IL1RAPL2: variants seen among roughly 807,000 people sequenced by gnomAD.
IL1RAPL2 encodes interleukin 1 receptor accessory protein like 2.
A neutral mutation model predicts 44.1 loss-of-function variants in IL1RAPL2; 3 were observed. The observed-to-expected ratio is 0.07, with a 90% confidence interval of 0.03 to 0.18. IL1RAPL2 has a LOEUF of 0.18. Ranked by LOEUF, IL1RAPL2 falls within the 10% of genes least tolerant of loss-of-function variation. The pLI is 1.00. For missense variants in IL1RAPL2, 391 were observed against 496.4 expected, an observed-to-expected ratio of 0.79 and a Z score of 2.02; for synonymous variants, 181 against 178.8, an observed-to-expected ratio of 1.01 and a Z score of -0.10.
rs1277461742 is a variant in IL1RAPL2 at position 105,456,860 on chromosome X, G to T, written c.698-27453G>T. ...AAGATTTCAATTATTTTTAATTTTAGACATTTGTACTATGGTGAAAGATAT... is the reference window on the plus strand; with the variant it reads ...AAGATTTCAATTATTTTTAATTTTATACATTTGTACTATGGTGAAAGATAT... On this transcript the variant is annotated intron_variant, in intron 5 of 10. Transcript: ENST00000372582. Among the ~76,000 whole-genome samples, 3 of 110,221 alleles carry T rather than the reference G, an allele frequency of 2.7e-5. No individual in the cohort carries two copies. In the Admixed American group the frequency reaches 2.9e-4, roughly 11 times the overall value.
intron 2 of IL1RAPL2, among the ~76,000 whole-genome samples, chrX:105,048,325 C>A (rs2031869684): frequency 8.9e-6 from 1 of 111,972 alleles, no homozygotes; most frequent in Non-Finnish European, 1.9e-5. Flanking sequence ...TATTTTCATG[C>A]TTAATGAACT....
chrX:105,211,849 C>T (rs192494997), intron 3 of IL1RAPL2, among the ~76,000 whole-genome samples: 6 of 111,556 alleles, frequency 5.4e-5, no homozygotes, highest in South Asian at 7.7e-4. Flanking sequence ...CAGGGTGAGG[C>T]GTCACTTCAC....
At chrX:105,396,526 T>C (rs1396594357) in intron 5 of IL1RAPL2, among the ~76,000 whole-genome samples, 1 of 100,885 alleles carries the variant, frequency 9.9e-6, no homozygotes, top group African/African-American at 3.6e-5. Flanking sequence ...CTATGTCTTT[T>C]ATGTTATTTA....
chrX:105,318,110 C>T (rs2034863567), intron 5 of IL1RAPL2, among the ~76,000 whole-genome samples: 1 of 109,814 alleles, frequency 9.1e-6, no homozygotes, highest in Non-Finnish European at 1.9e-5. Context: ...GTAGCTGGGA[C>T]TACAGGCGCC....
intron 3 of IL1RAPL2, among the ~76,000 whole-genome samples, chrX:105,213,141 A>G (rs1364297205): frequency 9.0e-6 from 1 of 110,785 alleles, no homozygotes; most frequent in Admixed American, 9.6e-5. Context: ...ACAAATTGAC[A>G]GAAGCAGGCT....
At chrX:104,568,558 T>C (rs951829425) in intron 1 of IL1RAPL2, among the ~76,000 whole-genome samples, 1 of 111,682 alleles carries the variant, frequency 9.0e-6, no homozygotes, top group Admixed American at 9.4e-5. Context: ...TAGCCCACAA[T>C]TACCCGCCGT....
At chrX:104,674,644 A>G (rs1331797507) in intron 2 of IL1RAPL2, among the ~76,000 whole-genome samples, 16 of 110,075 alleles carry the variant, frequency 1.5e-4, no homozygotes, top group African/African-American at 3.3e-4. Context: ...CTCTTTTTCT[A>G]TTGATTGGAA....
At chrX:104,586,943 T>C (rs1487618661) in intron 1 of IL1RAPL2, among the ~76,000 whole-genome samples, 9 of 111,806 alleles carry the variant, frequency 8.0e-5, no homozygotes, top group Admixed American at 6.7e-4. Context: ...TCAATCCTTC[T>C]TAGGTTGCTG....
At chrX:105,597,551 C>T (rs1293207315) in intron 6 of IL1RAPL2, among the ~76,000 whole-genome samples, 2 of 110,580 alleles carry the variant, frequency 1.8e-5, no homozygotes, top group Admixed American at 9.7e-5. Context: ...AGCCAGAGAG[C>T]GAGGAGGGGG....
chrX:104,926,518 A>G (rs773369759), intron 2 of IL1RAPL2, among the ~76,000 whole-genome samples: 6 of 111,717 alleles, frequency 5.4e-5, no homozygotes, highest in Non-Finnish European at 9.4e-5. Flanking sequence ...TGAAGATTAG[A>G]TTGTCCTGAA....
At chrX:105,644,646 T>C (rs2037593095) in intron 6 of IL1RAPL2, among the ~76,000 whole-genome samples, 1 of 111,005 alleles carries the variant, frequency 9.0e-6, no homozygotes, top group East Asian at 2.8e-4. Flanking sequence ...CTGGGGTACA[T>C]GTGCAGAACG....
intron 2 of IL1RAPL2, among the ~76,000 whole-genome samples, chrX:104,882,465 G>T (rs1393095732): frequency 8.9e-6 from 1 of 112,002 alleles, no homozygotes; most frequent in East Asian, 2.8e-4. Flanking sequence ...GTAATGAGAG[G>T]TGAAGCCGGC....
intron 2 of IL1RAPL2, among the ~76,000 whole-genome samples, chrX:105,040,307 A>G (rs1265232954): frequency 9.0e-6 from 1 of 111,630 alleles, no homozygotes; most frequent in East Asian, 2.8e-4. Flanking sequence ...GGATTTTTGC[A>G]TCAATGTTCA....
chrX:105,508,396 G>A (rs894320726), intron 6 of IL1RAPL2, among the ~76,000 whole-genome samples: 9 of 111,071 alleles, frequency 8.1e-5, no homozygotes, highest in African/African-American at 2.3e-4. Flanking sequence ...AGTTATAGAT[G>A]TATGGATAGA....
chrX:104,914,274 G>A (rs1924341156), intron 2 of IL1RAPL2, among the ~76,000 whole-genome samples: 2 of 111,879 alleles, frequency 1.8e-5, no homozygotes, highest in African/African-American at 3.2e-5. Context: ...TTAGGAGCAG[G>A]TTTGGTTAGA....
At chrX:105,571,152 A>T (rs746675961) in intron 6 of IL1RAPL2, among the ~76,000 whole-genome samples, 1 of 111,590 alleles carries the variant, frequency 9.0e-6, no homozygotes, top group South Asian at 3.7e-4. Flanking sequence ...TTAATTCCCT[A>T]TCTTATAGAT....
At chrX:105,054,105 G>A (rs908796292) in intron 2 of IL1RAPL2, among the ~76,000 whole-genome samples, 9 of 111,536 alleles carry the variant, frequency 8.1e-5, no homozygotes, top group African/African-American at 2.9e-4. Flanking sequence ...GGGTCAAAGT[G>A]GGAACCCTCT....
chrX:105,755,872 C>T (rs2038634194), intron 10 of IL1RAPL2, among the ~76,000 whole-genome samples: 1 of 111,963 alleles, frequency 8.9e-6, no homozygotes, highest in Non-Finnish European at 1.9e-5. Flanking sequence ...TTTCAAGACA[C>T]TTGAATGCTA....
At chrX:104,774,721 T>G (rs888379914) in intron 2 of IL1RAPL2, among the ~76,000 whole-genome samples, 6 of 111,964 alleles carry the variant, frequency 5.4e-5, no homozygotes, top group Admixed American at 3.8e-4. Context: ...GCTGCAAAAT[T>G]TACATATTCA....
Sources: gnomAD v4.1 joint callset for allele counts (sites outside exome capture counted in the v4.1 genomes callset) on GRCh38, gnomAD v4.1.1 for gene constraint, MANE v1.5 for transcripts, NCBI Gene and HGNC (gene_info 2026-07-23, HGNC 2026-07-21) for gene names.